STOX2: variants seen among roughly 807,000 people sequenced by gnomAD.
STOX2 encodes storkhead-box protein 2.
STOX2 carries 28 observed loss-of-function variants against 60.9 expected under a neutral mutation model. That is an observed-to-expected ratio of 0.46 (90% confidence interval 0.34 to 0.63). STOX2 has a LOEUF of 0.63. STOX2 is among the 30% of genes least tolerant of loss of function. The pLI is 0.01. For synonymous variants in STOX2, 472 were observed against 463.9 expected (o/e 1.02, Z -0.22); for missense variants, 1,024 against 1,187.7 (o/e 0.86, Z 2.03).
At position 184,010,592 on chromosome 4, in the gene STOX2, A is replaced by G; in HGVS notation, c.1754A>G (p.Tyr585Cys). ...PGKPPESLPSYGELNSCPTKT... is the reference protein window; with the variant it reads ...PGKPPESLPSCGELNSCPTKT... ...AAACCACCCGAGAGTTTGCCATCCT[A>G]TGGCGAACTCAACTCTTGTCCAACA... is the stretch of plus-strand genomic sequence containing the variant. Residue 585 changes from tyrosine to cysteine, a missense_variant, in exon 3 of 4, where the codon TAT (tyrosine) becomes TGT (cysteine). Tyr to Cys is a radical substitution (Grantham distance 194). Transcript: ENST00000308497. This position sits in a 1 kb window ranked among gnomAD's most constrained non-coding sequence, Gnocchi z 4.5. The G allele has an allele frequency of 6.2e-7, 1 of 1,614,004 alleles. No homozygotes were observed. Among genetic ancestry groups the G allele is most frequent in the South Asian group, 1.1e-5 (1 of 91,078 alleles).
Position 183,944,446 on chromosome 4 carries a change from T to A in STOX2, c.166+37490T>A, listed in dbSNP as rs117035635. ...ATATATGGGTGAGAGCTGGGCATGG[T>A]GGCTCACGCCTGTAATCCCAGCACT... is the stretch of plus-strand genomic sequence containing the variant. On this transcript the variant is annotated intron_variant, in intron 1 of 3. Coordinates refer to ENST00000308497, the MANE Select transcript of STOX2 (RefSeq NM_020225.3). Among the ~76,000 whole-genome samples the A allele has an allele frequency of 8.3e-4, 127 of 152,348 alleles. 5 individuals carry two copies. In the East Asian group the frequency reaches 0.023, roughly 27 times the overall value.
At chr4:183,896,582 T>C (rs1236978231) in intron 1 of STOX2, among the ~76,000 whole-genome samples, 3 of 152,200 alleles carry the variant, frequency 2.0e-5, no homozygotes, top group Non-Finnish European at 4.4e-5. Flanking sequence ...GCTCAAGTGA[T>C]CCTCCCACCT....
intron 1 of STOX2, among the ~76,000 whole-genome samples, chr4:183,968,255 G>A (rs914176225): frequency 6.6e-6 from 1 of 151,170 alleles, no homozygotes; most frequent in African/African-American, 2.4e-5. Flanking sequence ...GTTCTGGCAA[G>A]CAAGTGCTTT....
At chr4:183,824,356 G>C (rs73010524) in intron 1 of STOX2, among the ~76,000 whole-genome samples, 13,800 of 151,912 alleles carry the variant, frequency 0.091, 2,032 homozygotes, top group African/African-American at 0.31. Context: ...TTCATTTAAG[G>C]CTATTTTACT....
intron 1 of STOX2, among the ~76,000 whole-genome samples, chr4:183,811,235 TC>T (rs1406656397): frequency 6.6e-6 from 1 of 152,162 alleles, no homozygotes; most frequent in Non-Finnish European, 1.5e-5. Context: ...GGAGACTACA[TC>T]AGTTGGTTTG....
rs1734635480 is a variant in STOX2 at position 184,022,693 on chromosome 4, TCTC to T, written c.*5414_*5416del. The T allele has an allele frequency of 6.6e-6, 1 of 151,510 alleles. No homozygotes were observed. The highest frequency in any genetic ancestry group is 2.4e-5 in the African/African-American group (1 of 41,144). 9.4% of individuals were successfully genotyped at this position (151,510 alleles called of 1,614,324 possible). A position where few individuals can be genotyped will look rare whatever the true frequency, so the allele number is the denominator to read the frequency against. On this transcript the variant is annotated 3_prime_UTR_variant, in exon 4 of 4. Coordinates refer to ENST00000308497, the MANE Select transcript of STOX2 (RefSeq NM_020225.3). ...GAGGTACCAAATGTGAGACCTGAGA[TCTC>T]CTCCAATATCTGTCCTCTGCAGTTC...
chr4:183,808,250 T>A (rs375808843), intron 1 of STOX2, among the ~76,000 whole-genome samples: 2 of 152,230 alleles, frequency 1.3e-5, no homozygotes, highest in African/African-American at 2.4e-5. Flanking sequence ...TCCTGTAGTC[T>A]TGTTACAGCG....
chr4:183,858,794 C>T (rs767493268), intron 1 of STOX2, among the ~76,000 whole-genome samples: 34 of 152,068 alleles, frequency 2.2e-4, no homozygotes, highest in South Asian at 4.2e-4. Context: ...GTTTTGTAGT[C>T]GACTTCTTTA....
At position 184,010,304 on chromosome 4, in the gene STOX2, A is replaced by G; in HGVS notation, c.1466A>G (p.Glu489Gly). ...AATGAGAGATCCAACAAAGCCAAGGAGAGATCCAGGTCGATGGATAACTCC... is the reference window on the plus strand; with the variant it reads ...AATGAGAGATCCAACAAAGCCAAGGGGAGATCCAGGTCGATGGATAACTCC... ...SRNERSNKAKERSRSMDNSKG... is the reference protein window; with the variant it reads ...SRNERSNKAKGRSRSMDNSKG... Residue 489 changes from glutamate (E) to glycine (G), a missense_variant, in exon 3 of 4, where the codon GAG becomes GGG. By Grantham distance (98) the Glu-to-Gly change is moderately conservative. Coordinates refer to ENST00000308497, the MANE Select transcript of STOX2 (RefSeq NM_020225.3). This position sits in a 1 kb window ranked among gnomAD's most constrained non-coding sequence, Gnocchi z 4.5. The G allele has an allele frequency of 6.3e-7, 1 of 1,599,702 alleles. No homozygotes were observed. The highest frequency in any genetic ancestry group is 2.3e-5 in the East Asian group (1 of 44,176).
intron 1 of STOX2, among the ~76,000 whole-genome samples, chr4:183,895,046 C>T (rs769288010): frequency 6.6e-6 from 1 of 152,130 alleles, no homozygotes; most frequent in Non-Finnish European, 1.5e-5. Context: ...TAACTGCTCG[C>T]ACCAGGCATT....
At chr4:183,837,943 C>T (rs1739756260) in intron 1 of STOX2, among the ~76,000 whole-genome samples, 1 of 152,102 alleles carries the variant, frequency 6.6e-6, no homozygotes, top group Non-Finnish European at 1.5e-5. Context: ...GTGTCTGTTC[C>T]AGTGGCACTC....
intron 1 of STOX2, among the ~76,000 whole-genome samples, chr4:183,926,286 A>G (rs1304813874): frequency 6.6e-6 from 1 of 152,108 alleles, no homozygotes; most frequent in Non-Finnish European, 1.5e-5. Flanking sequence ...AGCATTCAAG[A>G]TAAACACTCA....
chr4:183,849,486 A>G (rs1472618991), intron 1 of STOX2, among the ~76,000 whole-genome samples: 2 of 152,258 alleles, frequency 1.3e-5, no homozygotes, highest in Non-Finnish European at 2.9e-5. Flanking sequence ...TTTTGGAGAT[A>G]GCATTTACAG....
At chr4:183,818,238 CT>C (rs1739200782) in intron 1 of STOX2, among the ~76,000 whole-genome samples, 1 of 151,940 alleles carries the variant, frequency 6.6e-6, no homozygotes, top group South Asian at 2.1e-4. Context: ...GCAGAGGACC[CT>C]GCGGCCTTCC....
chr4:183,919,357 G>T (rs1426999361), intron 1 of STOX2, among the ~76,000 whole-genome samples: 1 of 152,214 alleles, frequency 6.6e-6, no homozygotes. Context: ...CAGCGCGGTG[G>T]AGTGTGCTTG....
rs1456382539 is a variant in STOX2, at chr4:184,018,782, T to C, written c.*1498T>C. 6.6e-6 allele frequency: 1 copy of C among 152,238 alleles called. No homozygotes were observed. The highest frequency in any genetic ancestry group is 1.5e-5 in the Non-Finnish European group (1 of 68,030). The allele number at this position is 152,238 out of a possible 1,614,324, so 9.4% of individuals were successfully genotyped here. A position where few individuals can be genotyped will look rare whatever the true frequency, so the allele number is the denominator to read the frequency against. ...GGAGACATTCCAACGTTCCCATGTT[T>C]TATTTTCTGAGAACAGTGGGACAGA... On this transcript the variant is annotated 3_prime_UTR_variant, in exon 4 of 4. Coordinates refer to ENST00000308497, the MANE Select transcript of STOX2 (RefSeq NM_020225.3).
chr4:183,867,094 G>A (rs1355440039), intron 1 of STOX2, among the ~76,000 whole-genome samples: 1 of 151,966 alleles, frequency 6.6e-6, no homozygotes, highest in African/African-American at 2.4e-5. Context: ...CAATCACCAT[G>A]TTGTTTCGGC....
chr4:183,925,349 C>T (rs1433345170), intron 1 of STOX2, among the ~76,000 whole-genome samples: 2 of 152,140 alleles, frequency 1.3e-5, no homozygotes. Context: ...TCATTTCAAA[C>T]TCACTTTTTT....
At chr4:183,882,961 T>C (rs899474773) in intron 1 of STOX2, among the ~76,000 whole-genome samples, 1 of 152,266 alleles carries the variant, frequency 6.6e-6, no homozygotes, top group Non-Finnish European at 1.5e-5. Context: ...AAATGCTAAA[T>C]GTTATTGTTG....
Sources: gnomAD v4.1 joint callset for allele counts (sites outside exome capture counted in the v4.1 genomes callset) on GRCh38, gnomAD v4.1.1 for gene constraint, Gnocchi (gnomAD v3.1) non-coding constraint, MANE v1.5 for transcripts, NCBI Gene and HGNC (gene_info 2026-07-23, HGNC 2026-07-21) for gene names.